Variants in KLHL32 observed in about 807,000 individuals in gnomAD.
KLHL32 encodes kelch like family member 32, also known as kelch-like protein 32.
Under a neutral mutation model 64.8 loss-of-function variants are expected in KLHL32, and 35 were observed. The ratio of observed to expected loss-of-function variants is 0.54; its 90% CI spans 0.41 to 0.72. The LOEUF is 0.72. Ranked by LOEUF, KLHL32 falls within the 30% of genes least tolerant of loss-of-function variation. The probability of loss-of-function intolerance (pLI) is 0.00; values close to 1 mark genes in which losing one functional copy is unlikely to be tolerated. For synonymous variants in KLHL32, 259 were observed against 281.0 expected (o/e 0.92, Z 0.78); for missense variants, 589 against 768.5 (o/e 0.77, Z 2.76).
intron 1 of KLHL32, among the ~76,000 whole-genome samples, chr6:96,948,642 T>G (rs1435199060): frequency 6.6e-6 from 1 of 152,136 alleles, no homozygotes; most frequent in Non-Finnish European, 1.5e-5. Context: ...AATATCTTGG[T>G]TAGAGAATAC....
chr6:97,116,965 T>C (rs1407560735), intron 7 of KLHL32, among the ~76,000 whole-genome samples: 2 of 152,244 alleles, frequency 1.3e-5, no homozygotes, highest in African/African-American at 2.4e-5. Flanking sequence ...TTCTCCTTAC[T>C]GTGTACTTGA....
chr6:97,022,813 C>T (rs1256147083), intron 3 of KLHL32, among the ~76,000 whole-genome samples: 2 of 152,146 alleles, frequency 1.3e-5, no homozygotes, highest in Non-Finnish European at 2.9e-5. Flanking sequence ...AGTTCATTTT[C>T]ATACTGCTAT....
intron 4 of KLHL32, among the ~76,000 whole-genome samples, chr6:97,058,802 C>G (rs1187085318): frequency 1.3e-4 from 20 of 152,068 alleles, no homozygotes; most frequent in Admixed American, 1.3e-3. Context: ...TGAGATTTGC[C>G]AAGCAGGAAA....
At chr6:96,911,989 T>G in the KLHL32 span, among the ~76,000 whole-genome samples, 1 of 152,002 alleles carries the variant, frequency 6.6e-6, no homozygotes, top group Non-Finnish European at 1.5e-5. Flanking sequence ...CATCTTATTT[T>G]GATGATTCCC....
chr6:96,940,060 C>G (rs1383471605), intron 1 of KLHL32, among the ~76,000 whole-genome samples: 2 of 152,124 alleles, frequency 1.3e-5, no homozygotes, highest in African/African-American at 4.8e-5. Flanking sequence ...TTCTATACAA[C>G]TGCAAGTGCG....
chr6:97,003,978 T>G (rs1672928544), intron 3 of KLHL32, among the ~76,000 whole-genome samples: 1 of 152,172 alleles, frequency 6.6e-6, no homozygotes, highest in Non-Finnish European at 1.5e-5. Flanking sequence ...CTTTTGGTTC[T>G]GTATGAATTT....
intron 3 of KLHL32, among the ~76,000 whole-genome samples, chr6:96,985,398 C>T (rs912735272): frequency 1.3e-5 from 2 of 152,092 alleles, no homozygotes; most frequent in African/African-American, 4.8e-5. Flanking sequence ...CTCTGTATTT[C>T]CTGAATGTGA....
At chr6:96,965,415 T>G (rs1300869281) in intron 1 of KLHL32, among the ~76,000 whole-genome samples, 1 of 152,210 alleles carries the variant, frequency 6.6e-6, no homozygotes, top group African/African-American at 2.4e-5. Context: ...ATCTTATTAT[T>G]TTTAATGATC....
chr6:96,964,626 C>T (rs1345097679), intron 1 of KLHL32, among the ~76,000 whole-genome samples: 1 of 152,190 alleles, frequency 6.6e-6, no homozygotes, highest in Non-Finnish European at 1.5e-5. Context: ...GCAGTCCAGC[C>T]TGGGCGACAG....
At chr6:96,985,900 G>A (rs560751542) in intron 3 of KLHL32, among the ~76,000 whole-genome samples, 2 of 152,268 alleles carry the variant, frequency 1.3e-5, no homozygotes, top group South Asian at 2.1e-4. Flanking sequence ...GTCCAGCTTT[G>A]TTCCATTGCT....
chr6:97,126,236 T>A (rs1409391283), intron 7 of KLHL32, among the ~76,000 whole-genome samples: 1 of 152,118 alleles, frequency 6.6e-6, no homozygotes, highest in Non-Finnish European at 1.5e-5. Flanking sequence ...TAGAACTACA[T>A]GTAAGGCAAT....
At chr6:97,009,843 GATT>G (rs1040947529) in intron 3 of KLHL32, among the ~76,000 whole-genome samples, 4 of 152,080 alleles carry the variant, frequency 2.6e-5, no homozygotes, top group African/African-American at 4.8e-5. Flanking sequence ...TGTATGTGGA[GATT>G]ATATGTTTTT....
intron 6 of KLHL32, among the ~76,000 whole-genome samples, chr6:97,087,680 G>C (rs972209501): frequency 6.6e-6 from 1 of 152,170 alleles, no homozygotes; most frequent in Non-Finnish European, 1.5e-5. Context: ...ACTTAGATGA[G>C]AGCATGGTAA....
At chr6:97,038,163 T>C (rs773022445) in intron 3 of KLHL32, among the ~76,000 whole-genome samples, 2 of 151,906 alleles carry the variant, frequency 1.3e-5, no homozygotes, top group Admixed American at 6.6e-5. Context: ...AAAGCAAAAA[T>C]AGACAAATGG....
At chr6:96,985,604 T>G (rs371577277) in intron 3 of KLHL32, among the ~76,000 whole-genome samples, 1 of 152,196 alleles carries the variant, frequency 6.6e-6, no homozygotes, top group African/African-American at 2.4e-5. Flanking sequence ...CTTCTCTTCT[T>G]GCTTCATTTC....
intron 9 of KLHL32, 86 bp from the exon 10 acceptor site, chr6:97,132,567 A>G: frequency 1.0e-6 from 1 of 995,034 alleles, no homozygotes; most frequent in Non-Finnish European, 1.5e-6. Flanking sequence ...CACAAAGGAA[A>G]ATTGTATCCC....
chr6:97,085,579 A>G (rs1793288601), intron 6 of KLHL32, among the ~76,000 whole-genome samples: 1 of 152,142 alleles, frequency 6.6e-6, no homozygotes, highest in African/African-American at 2.4e-5. Flanking sequence ...TGAGACCCTC[A>G]CTGTGGCTTC....
At chr6:97,116,666 G>A (rs953679925) in intron 7 of KLHL32, among the ~76,000 whole-genome samples, 3 of 152,234 alleles carry the variant, frequency 2.0e-5, no homozygotes, top group South Asian at 2.1e-4. Flanking sequence ...AAGATATGAC[G>A]ATTTAATACC....
At chr6:96,980,961 A>T (rs972723071) in intron 3 of KLHL32, among the ~76,000 whole-genome samples, 2 of 142,836 alleles carry the variant, frequency 1.4e-5, no homozygotes, top group East Asian at 2.3e-4. Flanking sequence ...CAAACATGTC[A>T]TTCTTCACAT....
Sources: gnomAD v4.1 joint callset for allele counts (sites outside exome capture counted in the v4.1 genomes callset) on GRCh38, gnomAD v4.1.1 for gene constraint, MANE v1.5 for transcripts, NCBI Gene and HGNC (gene_info 2026-07-23, HGNC 2026-07-21) for gene names.